WLS: variants seen among roughly 807,000 people sequenced by gnomAD.
The protein encoded by WLS is Wnt ligand secretion mediator.
A neutral mutation model predicts 62.8 loss-of-function variants in WLS; 23 were observed. That is an observed-to-expected ratio of 0.37 (90% CI 0.26 to 0.52). WLS has a LOEUF of 0.52. WLS is among the 20% of genes least tolerant of loss of function. WLS has a pLI of 0.92. For missense variants in WLS, 615 were observed against 697.3 expected, an observed-to-expected ratio of 0.88 and a Z score of 1.33; for synonymous variants, 246 against 244.1, an observed-to-expected ratio of 1.01 and a Z score of -0.07.
At chr1:68,226,601 A>T (rs1041215390) in intron 1 of WLS, among the ~76,000 whole-genome samples, 5 of 152,114 alleles carry the variant, frequency 3.3e-5, no homozygotes, top group African/African-American at 1.2e-4. Context: ...GATGCTAGAA[A>T]ACTACATCCT....
chr1:68,214,325 C>A (rs1053021777), intron 1 of WLS, among the ~76,000 whole-genome samples: 4 of 152,002 alleles, frequency 2.6e-5, no homozygotes, highest in Non-Finnish European at 4.4e-5. Context: ...AGCTAACTGT[C>A]CAAATACACT....
rs1298320437 is a variant in WLS, at chr1:68,192,768, TAA to T, written c.379+1185_379+1186del. On this transcript the variant is annotated intron_variant, in intron 2 of 11. Coordinates refer to ENST00000262348, the MANE Select transcript of WLS (RefSeq NM_024911.7). ...GGGGAACATAGGAGACTCTGTCTCT[TAA>T]AAAAAAAAAAAAAAAAACAGAAGAA... 5.3e-4 allele frequency among the ~76,000 whole-genome samples: 6 copies of T among 11,378 alleles called. No individual in the cohort carries two copies. The South Asian group carries it at 0.015, about 29-fold the overall frequency. The allele number at this position is 11,378 out of a possible 152,430, so 7.5% of individuals were successfully genotyped here.
intron 11 of WLS, among the ~76,000 whole-genome samples, chr1:68,134,510 G>A (rs1031786540): frequency 6.6e-6 from 1 of 152,212 alleles, no homozygotes; most frequent in African/African-American, 2.4e-5. Context: ...TAAATTGCCT[G>A]AAGAATGTTT....
intron 5 of WLS, among the ~76,000 whole-genome samples, chr1:68,151,297 A>G (rs1487948766): frequency 6.6e-6 from 1 of 152,202 alleles, no homozygotes; most frequent in Non-Finnish European, 1.5e-5. Flanking sequence ...AGGAAATGAC[A>G]GGACATGAGA....
chr1:68,104,173 G>A (rs954950932), intron 11 of WLS, among the ~76,000 whole-genome samples: 2 of 146,600 alleles, frequency 1.4e-5, no homozygotes, highest in Non-Finnish European at 3.0e-5. Flanking sequence ...GTCTCTCGGG[G>A]CCCTGCAATG....
intron 2 of WLS, among the ~76,000 whole-genome samples, chr1:68,178,567 A>T (rs1352834321): frequency 1.3e-5 from 2 of 152,066 alleles, no homozygotes; most frequent in African/African-American, 4.8e-5. Flanking sequence ...TTAGCTGGGC[A>T]TGGTGGCACA....
intron 5 of WLS, among the ~76,000 whole-genome samples, chr1:68,151,914 G>C (rs2100472809): frequency 6.6e-6 from 1 of 152,278 alleles, no homozygotes; most frequent in East Asian, 1.9e-4. Context: ...CTGCAGGGAG[G>C]CACGTGATGG....
intron 1 of WLS, among the ~76,000 whole-genome samples, chr1:68,204,876 C>G (rs866155224): frequency 3.3e-5 from 5 of 152,252 alleles, no homozygotes; most frequent in Middle Eastern, 6.8e-3. Flanking sequence ...CTTCTGAACC[C>G]TACAAAATTA....
chr1:68,178,249 A>G (rs1647345170), intron 2 of WLS, among the ~76,000 whole-genome samples: 1 of 152,202 alleles, frequency 6.6e-6, no homozygotes, highest in African/African-American at 2.4e-5. Context: ...TCCTTTGGGT[A>G]CTTAATGCAC....
downstream of WLS, among the ~76,000 whole-genome samples, chr1:68,125,079 A>G (rs563031866): frequency 1.6e-4 from 25 of 152,310 alleles, no homozygotes; most frequent in Admixed American, 1.6e-3. Context: ...AAATACAACG[A>G]AAAAGGCTAT....
At chr1:68,131,740 G>T (rs1013090949) in intron 11 of WLS, among the ~76,000 whole-genome samples, 1 of 152,210 alleles carries the variant, frequency 6.6e-6, no homozygotes, top group Admixed American at 6.5e-5. Flanking sequence ...ACCTCAGAAT[G>T]TGACTGTGTT....
intron 2 of WLS, among the ~76,000 whole-genome samples, chr1:68,192,424 A>C (rs1648362258): frequency 6.6e-6 from 1 of 151,802 alleles, no homozygotes; most frequent in Non-Finnish European, 1.5e-5. Flanking sequence ...ACCCCCATAA[A>C]ATTTTAAAAT....
Position 68,165,083 on chromosome 1 carries a change from G to C in WLS, c.380-5836C>G, listed in dbSNP as rs116766891. On this transcript the variant is annotated intron_variant, in intron 2 of 11. Transcript: ENST00000262348. Reference sequence around the variant, plus strand: ...AAGTACATCCTACTTATAACGCTGGGAGTAGGAATTGGGACTTTAAACTGT... The same window carrying C: ...AAGTACATCCTACTTATAACGCTGGCAGTAGGAATTGGGACTTTAAACTGT... 3.3e-3 allele frequency among the ~76,000 whole-genome samples: 507 copies of C among 152,286 alleles called. 2 individuals are homozygous for C. Among genetic ancestry groups the C allele is most frequent in the African/African-American group, 0.011 (476 of 41,554 alleles).
At chr1:68,121,808 G>C (rs2100361314), downstream of WLS, among the ~76,000 whole-genome samples, 1 of 152,256 alleles carries the variant, frequency 6.6e-6, no homozygotes. Flanking sequence ...AGTCAAGTGT[G>C]TTCACTCTCT....
At chr1:68,165,616 C>T (rs1442363741) in intron 2 of WLS, among the ~76,000 whole-genome samples, 2 of 152,088 alleles carry the variant, frequency 1.3e-5, no homozygotes, top group Admixed American at 6.5e-5. Context: ...AGCTTGAGCT[C>T]GGAGGTTAGG....
intron 11 of WLS, among the ~76,000 whole-genome samples, chr1:68,105,159 G>A (rs1445357359): frequency 6.6e-6 from 1 of 152,184 alleles, no homozygotes; most frequent in African/African-American, 2.4e-5. Flanking sequence ...AAAGTTGGAG[G>A]AAAGCCAGGA....
intron 2 of WLS, chr1:68,163,056 T>C (rs537902702): frequency 1.5e-5 from 23 of 1,578,050 alleles, no homozygotes; most frequent in African/African-American, 4.0e-5. Flanking sequence ...GTCCAATTGC[T>C]GTCTCTTGAC....
At chr1:68,183,606 T>C (rs747271325) in intron 2 of WLS, 1 of 510,692 alleles carries the variant, frequency 2.0e-6, no homozygotes, top group African/African-American at 2.0e-5. Flanking sequence ...ATCACCATTG[T>C]AGATAATGTG....
At chr1:68,193,895 A>G in intron 2 of WLS, 60 bp downstream of exon 2, 1 of 1,551,006 alleles carries the variant, frequency 6.4e-7, no homozygotes. Flanking sequence ...TGGCTCAAAA[A>G]GAACCCAAAG....
Sources: allele counts gnomAD v4.1 joint callset (sites outside exome capture counted in the v4.1 genomes callset), GRCh38; gene constraint gnomAD v4.1.1; transcripts MANE v1.5; gene names NCBI Gene and HGNC (gene_info 2026-07-23, HGNC 2026-07-21).